SPNS3: variants seen among roughly 807,000 people sequenced by gnomAD.
SPNS3 encodes SPNS lysolipid transporter 3, sphingosine-1-phosphate (putative), also known as protein spinster homolog 3.
A neutral mutation model predicts 54.4 loss-of-function variants in SPNS3; 51 were observed. That is an observed-to-expected ratio of 0.94 (90% CI 0.75 to 1.18). SPNS3 has a LOEUF of 1.18. Among genes scored for constraint, SPNS3 ranks in the 50% most tolerant of loss-of-function variants. The probability of loss-of-function intolerance (pLI) is 0.00; values close to 1 mark genes in which losing one functional copy is unlikely to be tolerated. For missense variants in SPNS3, 669 were observed against 677.4 expected, an observed-to-expected ratio of 0.99 and a Z score of 0.14; for synonymous variants, 309 against 294.7, an observed-to-expected ratio of 1.05 and a Z score of -0.50.
intron 7 of SPNS3, 145 bp downstream of exon 7, chr17:4,449,532 G>A: frequency 2.0e-6 from 2 of 1,015,568 alleles, no homozygotes; most frequent in South Asian, 1.8e-5. Context: ...GGACCCAGAT[G>A]GCAGCAGGAG....
At chr17:4,472,545 G>A (rs1223781978) in intron 8 of SPNS3, among the ~76,000 whole-genome samples, 3 of 152,178 alleles carry the variant, frequency 2.0e-5, no homozygotes, top group African/African-American at 7.2e-5. Context: ...ATTCCCTTCT[G>A]AGATGGGGGT....
intron 7 of SPNS3, among the ~76,000 whole-genome samples, chr17:4,449,643 C>A (rs1195050269): frequency 1.3e-5 from 2 of 152,084 alleles, no homozygotes; most frequent in African/African-American, 4.8e-5. Context: ...ACTCTTGGGG[C>A]TGCTGTGGGC....
intron 2 of SPNS3, among the ~76,000 whole-genome samples, chr17:4,444,594 C>G (rs1179572804): frequency 6.6e-6 from 1 of 152,164 alleles, no homozygotes; most frequent in Admixed American, 6.6e-5. Context: ...TCTTTCCCTG[C>G]TCCCCGTTGC....
intron 1 of SPNS3, among the ~76,000 whole-genome samples, chr17:4,438,551 G>A (rs1424561645): frequency 6.6e-6 from 1 of 152,236 alleles, no homozygotes; most frequent in African/African-American, 2.4e-5. Context: ...AGACCCTGGT[G>A]TCTGGGAGAC....
chr17:4,466,155 G>A (rs1036249450), intron 8 of SPNS3, among the ~76,000 whole-genome samples: 4 of 152,218 alleles, frequency 2.6e-5, no homozygotes, highest in African/African-American at 9.6e-5. Context: ...TTTCCCCAGC[G>A]CCTCCTCTTT....
At chr17:4,450,162 T>G (rs1005736413) in intron 7 of SPNS3, among the ~76,000 whole-genome samples, 1 of 151,856 alleles carries the variant, frequency 6.6e-6, no homozygotes, top group African/African-American at 2.4e-5. Context: ...GATGCTATCT[T>G]CTTCCCTGGA....
At chr17:4,460,298 A>T (rs975186140) in intron 8 of SPNS3, among the ~76,000 whole-genome samples, 2 of 152,082 alleles carry the variant, frequency 1.3e-5, no homozygotes, top group South Asian at 4.1e-4. Flanking sequence ...TGAAATTATC[A>T]TGTAGTTTTG....
At chr17:4,456,433 A>T (rs1395222505) in intron 8 of SPNS3, among the ~76,000 whole-genome samples, 1 of 152,170 alleles carries the variant, frequency 6.6e-6, no homozygotes, top group Non-Finnish European at 1.5e-5. Context: ...ATTCCTGAAG[A>T]CTAGAAAGTC....
intron 6 of SPNS3, 114 bp from the exon 7 acceptor site, chr17:4,449,121 A>G: frequency 8.3e-7 from 1 of 1,210,126 alleles, no homozygotes; most frequent in Non-Finnish European, 1.2e-6. Context: ...GGAATCTTGA[A>G]GGTAATGAGA....
chr17:4,454,794 T>C (rs1971260998), intron 8 of SPNS3, among the ~76,000 whole-genome samples: 1 of 151,500 alleles, frequency 6.6e-6, no homozygotes, highest in South Asian at 2.1e-4. Flanking sequence ...CTAATTTTTT[T>C]GTGTATTTTT....
intron 8 of SPNS3, among the ~76,000 whole-genome samples, chr17:4,458,777 C>T (rs1411019413): frequency 1.3e-5 from 2 of 151,520 alleles, no homozygotes; most frequent in African/African-American, 4.9e-5. Context: ...ATGCTGCCTC[C>T]CGAGTAGCTG....
At chr17:4,480,156 G>A (rs1284268907) in intron 9 of SPNS3, among the ~76,000 whole-genome samples, 1 of 152,076 alleles carries the variant, frequency 6.6e-6, no homozygotes, top group South Asian at 2.1e-4. Flanking sequence ...CGAGTGTGGA[G>A]AGGCCTGCCC....
Position 4,449,303 on chromosome 17 carries a change from G to T in SPNS3, c.839G>T (p.Trp280Leu), listed in dbSNP as rs1390672906. ...TTTGTGACTGGAGCCCTGGGGTTCT[G>T]GGCCCCCAAGTTTCTGCTCGAGGCA... ...MAFVTGALGF[W>L]APKFLLEARV... Residue 280 changes from tryptophan to leucine, a missense_variant, in exon 7 of 12, where the codon TGG (tryptophan) becomes TTG (leucine). Trp to Leu is a moderately conservative substitution (Grantham distance 61). Transcript: ENST00000355530. 1 of 1,612,528 alleles carries T rather than the reference G, an allele frequency of 6.2e-7. No individual in the cohort carries two copies. The highest frequency in any genetic ancestry group is 1.7e-5 in the Admixed American group (1 of 59,896).
At chr17:4,446,323 A>C (rs1597308127) in intron 4 of SPNS3, 124 bp downstream of exon 4, 2 of 1,053,674 alleles carry the variant, frequency 1.9e-6, no homozygotes, top group Non-Finnish European at 1.4e-6. Flanking sequence ...TCCCAATGCT[A>C]CCCCTCCCTC....
intron 9 of SPNS3, chr17:4,484,963 C>G (rs1469964244): frequency 2.0e-5 from 3 of 152,170 alleles, no homozygotes. Context: ...AGAGAAAGGG[C>G]CCCTCCCAGT....
In SPNS3 at chr17:4,448,162, C is replaced by T. The variant is rs548232591; in HGVS notation, c.629C>T (p.Pro210Leu). 19 of 1,592,552 alleles carry T rather than the reference C, an allele frequency of 1.2e-5. No homozygotes were observed. Among genetic ancestry groups the T allele is most frequent in the Non-Finnish European group, 1.5e-5 (18 of 1,170,914 alleles). ...GGGCCCTCCTGTCCCCAGGTCATGC[C>T]CTGCCTGGAGGCCGTGGCCTTGATC... ...GNWRWALRVM[P>L]CLEAVALILL... The change falls in exon 6 of 12, where the codon CCC (proline) becomes CTC (leucine). Residue 210 changes from proline (P) to leucine (L), a missense_variant. Physicochemically the swap from Pro to Leu is moderately conservative, Grantham distance 98. Transcript: ENST00000355530.
chr17:4,481,393 G>A (rs1019879798), intron 9 of SPNS3, among the ~76,000 whole-genome samples: 14 of 152,110 alleles, frequency 9.2e-5, no homozygotes, highest in African/African-American at 3.1e-4. Flanking sequence ...ACAGGAGATC[G>A]GCTTCTCTTT....
At chr17:4,474,404 G>A (rs1971935073) in intron 8 of SPNS3, among the ~76,000 whole-genome samples, 1 of 152,178 alleles carries the variant, frequency 6.6e-6, no homozygotes. Flanking sequence ...CCGTGAGGGA[G>A]GAGGTTTGGG....
intron 4 of SPNS3, chr17:4,446,601 C>T: frequency 1.9e-6 from 1 of 539,194 alleles, no homozygotes; most frequent in Non-Finnish European, 3.3e-6. Context: ...GTTTCCTGAA[C>T]TTGCCTGACT....
Sources: gnomAD v4.1 joint callset for allele counts (sites outside exome capture counted in the v4.1 genomes callset) on GRCh38, gnomAD v4.1.1 for gene constraint, MANE v1.5 for transcripts, NCBI Gene and HGNC (gene_info 2026-07-23, HGNC 2026-07-21) for gene names.